Variants in TMPRSS6 observed in about 807,000 individuals in gnomAD.
TMPRSS6 encodes the protein transmembrane protease serine 6.
In TMPRSS6, 67 loss-of-function variants were observed where a neutral mutation model predicts 101.5. The observed-to-expected ratio is 0.66, with a 90% CI of 0.54 to 0.81. The LOEUF is 0.81. Among genes scored for constraint, TMPRSS6 ranks in the 30% least tolerant of loss-of-function variants. The pLI is 0.00. For missense variants in TMPRSS6, 1,034 were observed against 1,088.7 expected, an observed-to-expected ratio of 0.95 and a Z score of 0.71; for synonymous variants, 453 against 464.9, an observed-to-expected ratio of 0.97 and a Z score of 0.33.
chr22:37,095,654 A>G (rs1022281185), intron 5 of TMPRSS6, 62 bp from the exon 6 acceptor site: 43 of 1,488,014 alleles, frequency 2.9e-5, no homozygotes, highest in Non-Finnish European at 3.9e-5. Context: ...AGAAAAGAAA[A>G]TACAATGAAA....
rs1926794576 is a variant in TMPRSS6 at position 37,070,551 on chromosome 22, T to C, written c.1774A>G (p.Ile592Val). Residue 592 changes from isoleucine to valine, a missense_variant, in exon 15 of 18, where the codon ATC becomes GTC. Physicochemically the swap from Ile to Val is conservative, Grantham distance 29. Transcript: ENST00000676104. Reference sequence around the variant, plus strand: ...TCAGCGATGAGGGCCCCCCCACAGATGTGTCGACCCCGAACCTGGAGGCTG... The same window carrying C: ...TCAGCGATGAGGGCCCCCCCACAGACGTGTCGACCCCGAACCTGGAGGCTG... ...QASLQVRGRH[I>V]CGGALIADRW... 1.9e-6 allele frequency: 3 copies of C among 1,613,142 alleles called. No individual in the cohort carries two copies. Among genetic ancestry groups the C allele is most frequent in the Non-Finnish European group, 1.7e-6 (2 of 1,180,004 alleles).
At chr22:37,109,976 C>G (rs1331732932), upstream of TMPRSS6, among the ~76,000 whole-genome samples, 1 of 151,952 alleles carries the variant, frequency 6.6e-6, no homozygotes, top group Admixed American at 6.6e-5. Flanking sequence ...AGTCCAGGTG[C>G]TTACCTGGAC....
intron 1 of TMPRSS6, among the ~76,000 whole-genome samples, chr22:37,109,185 C>T (rs1203339718): frequency 2.6e-5 from 4 of 152,164 alleles, no homozygotes; most frequent in African/African-American, 9.7e-5. Context: ...ATGTCCAGTC[C>T]TGCGAGGCAG....
intron 13 of TMPRSS6, among the ~76,000 whole-genome samples, 169 bp from the exon 14 acceptor site, chr22:37,071,201 G>A (rs571867983): frequency 7.5e-5 from 11 of 146,758 alleles, no homozygotes; most frequent in Non-Finnish European, 1.5e-4. Context: ...ATGTCCCCCC[G>A]CCCCCCACAG....
At chr22:37,074,226 C>T (rs1359037782) in intron 12 of TMPRSS6, among the ~76,000 whole-genome samples, 1 of 152,244 alleles carries the variant, frequency 6.6e-6, no homozygotes, top group African/African-American at 2.4e-5. Context: ...AGGATCATCC[C>T]CCCACCATGA....
At chr22:37,074,475 G>C in intron 12 of TMPRSS6, 135 bp downstream of exon 12, 1 of 855,038 alleles carries the variant, frequency 1.2e-6, no homozygotes, top group Non-Finnish European at 1.9e-6. Context: ...GGCACAGTGA[G>C]AGAACCCCAC....
chr22:37,093,384 C>CTTTTTTTT lies in TMPRSS6; in HGVS notation c.631+2159_631+2166dup, dbSNP rs67659825. On this transcript the variant is annotated intron_variant, in intron 6 of 17. Transcript: ENST00000676104. Reference sequence around the variant, plus strand: ...ACCTTTTCCTTTCCTTTCTTTCTTTCTTTTTTTTTTTTTTTTTTTTTTTTT... The same window carrying CTTTTTTTT: ...ACCTTTTCCTTTCCTTTCTTTCTTTCTTTTTTTTTTTTTTTTTTTTTTTTTTTTTTTTT... Among the ~76,000 whole-genome samples the CTTTTTTTT allele has an allele frequency of 6.1e-3, 502 of 82,558 alleles. 4 individuals are homozygous for CTTTTTTTT. Among genetic ancestry groups the CTTTTTTTT allele is most frequent in the African/African-American group, 8.3e-3 (158 of 19,082 alleles). The allele number at this position is 82,558 out of a possible 152,430, so 54.2% of individuals were successfully genotyped here.
intron 17 of TMPRSS6, 28 bp downstream of exon 17, chr22:37,066,798 C>G: frequency 1.2e-6 from 2 of 1,614,066 alleles, no homozygotes; most frequent in Non-Finnish European, 1.7e-6. Context: ...TCTCCCTCCT[C>G]TCTCCCTCCC....
rs1286541490 is a variant in TMPRSS6, at chr22:37,103,146, C to A, written c.202+70G>T. The A allele has an allele frequency of 2.6e-6, 4 of 1,528,314 alleles. No homozygotes were observed. The South Asian group carries it at 4.5e-5, about 17-fold the overall frequency. The allele number at this position is 1,528,314 out of a possible 1,614,324, so 94.7% of individuals were successfully genotyped here. A position where few individuals can be genotyped will look rare whatever the true frequency, so the allele number is the denominator to read the frequency against. On this transcript the variant is annotated intron_variant, in intron 2 of 17. Coordinates refer to ENST00000676104, the MANE Select transcript of TMPRSS6 (RefSeq NM_001374504.1). The surrounding 1 kb of genome is among the most constrained non-coding windows in gnomAD (Gnocchi z 4.4). ...GGCTGAGCCTGGAACCCAGTCCTGT[C>A]CTGCTGTGCCTGCTACAGTCACCCC...
At chr22:37,095,372 A>G (rs971018296) in intron 6 of TMPRSS6, among the ~76,000 whole-genome samples, 179 bp downstream of exon 6, 2 of 152,064 alleles carry the variant, frequency 1.3e-5, no homozygotes, top group Non-Finnish European at 2.9e-5. Context: ...CTCTCCCCCT[A>G]CAGGCTCCAA....
At chr22:37,089,542 C>CCG in intron 7 of TMPRSS6, 36 bp downstream of exon 7, 2 of 1,456,028 alleles carry the variant, frequency 1.4e-6, no homozygotes, top group Non-Finnish European at 1.9e-6. Context: ...CTCCCTTTTC[C>CCG]AGCCCTCCCT....
chr22:37,110,292 A>T (rs1185044975), upstream of TMPRSS6, among the ~76,000 whole-genome samples: 2 of 151,534 alleles, frequency 1.3e-5, no homozygotes, highest in Admixed American at 1.3e-4. Flanking sequence ...TACAGCGCCC[A>T]CCACCATGCC....
At chr22:37,085,639 C>A (rs1279168100) in intron 8 of TMPRSS6, among the ~76,000 whole-genome samples, 2 of 152,054 alleles carry the variant, frequency 1.3e-5, no homozygotes, top group Non-Finnish European at 2.9e-5. Context: ...GACAGCTGTC[C>A]CATGCGGGGT....
At chr22:37,095,640 AAAAAG>A (rs1569020917) in intron 5 of TMPRSS6, 48 bp from the exon 6 acceptor site, 9 of 1,529,530 alleles carry the variant, frequency 5.9e-6, no homozygotes, top group South Asian at 3.7e-5. Context: ...AAAAAAAAAA[AAAAAG>A]AAAAGAAAAT....
chr22:37,080,680 A>C (rs1928194320), intron 10 of TMPRSS6, among the ~76,000 whole-genome samples: 1 of 152,230 alleles, frequency 6.6e-6, no homozygotes, highest in African/African-American at 2.4e-5. Flanking sequence ...ACACAGGAGG[A>C]GTCTGCGGGG....
rs906687009 is a variant in TMPRSS6 at position 37,096,058 on chromosome 22, A to G, written c.437T>C (p.Ile146Thr). 1 of 1,614,204 alleles carries G rather than the reference A, an allele frequency of 6.2e-7. No homozygotes were observed. Among genetic ancestry groups the G allele is most frequent in the Non-Finnish European group, 8.5e-7 (1 of 1,180,036 alleles). The change falls in exon 5 of 18, where the codon ATT becomes ACT. Residue 146 changes from isoleucine (I) to threonine (T), a missense_variant. By Grantham distance (89) the Ile-to-Thr change is moderately conservative (BLOSUM62 -1). Coordinates refer to ENST00000676104, the MANE Select transcript of TMPRSS6 (RefSeq NM_001374504.1). ...CCGGCGGTGCTCGGGGATTTGGAGA[A>G]TGAACCAGAAGAAGCAGGTGAGGGG... The part of the protein sequence containing the change: ...EGPLTCFFWF[I>T]LQIPEHRRLM...
At chr22:37,105,877 T>C (rs1930684186) in intron 1 of TMPRSS6, among the ~76,000 whole-genome samples, 1 of 152,120 alleles carries the variant, frequency 6.6e-6, no homozygotes, top group African/African-American at 2.4e-5. Context: ...CTCAAACACC[T>C]GGCCTCAAGC....
At chr22:37,071,209 C>T (rs1601520209) in intron 13 of TMPRSS6, among the ~76,000 whole-genome samples, 177 bp from the exon 14 acceptor site, 1 of 151,962 alleles carries the variant, frequency 6.6e-6, no homozygotes, top group Non-Finnish European at 1.5e-5. Flanking sequence ...CCGCCCCCCA[C>T]AGCCCCTCCA....
intron 8 of TMPRSS6, among the ~76,000 whole-genome samples, chr22:37,085,116 G>C (rs757290349): frequency 6.6e-6 from 1 of 152,188 alleles, no homozygotes; most frequent in Non-Finnish European, 1.5e-5. Context: ...TGATATTTGC[G>C]GGACAGCACT....
Sources: gnomAD v4.1 joint callset for allele counts (sites outside exome capture counted in the v4.1 genomes callset) on GRCh38, gnomAD v4.1.1 for gene constraint, Gnocchi (gnomAD v3.1) non-coding constraint, MANE v1.5 for transcripts, NCBI Gene and HGNC (gene_info 2026-07-23, HGNC 2026-07-21) for gene names.